SWT1: variants seen among roughly 807,000 people sequenced by gnomAD.
SWT1 encodes SWT1 RNA endoribonuclease homolog.
A neutral mutation model predicts 107.3 loss-of-function variants in SWT1; 33 were observed. The ratio of observed to expected loss-of-function variants is 0.31; its 90% confidence interval spans 0.23 to 0.41. The LOEUF is 0.41. Ranked by LOEUF, SWT1 falls within the 10% of genes least tolerant of loss-of-function variation. The pLI is 1.00. For synonymous variants in SWT1, 345 were observed against 348.3 expected, an observed-to-expected ratio of 0.99 and a Z score of 0.11; for missense variants, 898 against 1,028.9, an observed-to-expected ratio of 0.87 and a Z score of 1.74.
chr1:185,169,780 A>T (rs923397170), intron 4 of SWT1, among the ~76,000 whole-genome samples: 5 of 143,880 alleles, frequency 3.5e-5, no homozygotes, highest in Non-Finnish European at 4.6e-5. Context: ...CCCAGGATTA[A>T]TTTTTTTTTT....
intron 16 of SWT1, among the ~76,000 whole-genome samples, chr1:185,248,085 A>C (rs1661734500): frequency 6.6e-6 from 1 of 152,222 alleles, no homozygotes; most frequent in Admixed American, 6.5e-5. Context: ...TCAAAAAGTC[A>C]ACAGTTCCTT....
At chr1:185,230,401 C>T (rs967093886) in intron 15 of SWT1, among the ~76,000 whole-genome samples, 1 of 152,178 alleles carries the variant, frequency 6.6e-6, no homozygotes, top group Non-Finnish European at 1.5e-5. Flanking sequence ...TCATGTCTTT[C>T]TCTTTTCTTC....
chr1:185,169,296 T>A (rs960913760), intron 4 of SWT1, among the ~76,000 whole-genome samples: 52 of 150,342 alleles, frequency 3.5e-4, no homozygotes, highest in Non-Finnish European at 6.1e-4. Flanking sequence ...TTTTTTTTTT[T>A]AAATTTTAAG....
At chr1:185,170,211 T>A (rs1365784386) in intron 4 of SWT1, among the ~76,000 whole-genome samples, 2 of 152,186 alleles carry the variant, frequency 1.3e-5, no homozygotes, top group African/African-American at 4.8e-5. Flanking sequence ...AAACCTGAAT[T>A]TTATACACCG....
chr1:185,226,949 A>G (rs1660114821), intron 15 of SWT1: 1 of 955,130 alleles, frequency 1.0e-6, no homozygotes, highest in Non-Finnish European at 1.6e-6. Flanking sequence ...CATAGACTGG[A>G]TTCTTTTGTA....
chr1:185,274,591 T>C (rs1218802904), intron 17 of SWT1, among the ~76,000 whole-genome samples: 1 of 152,192 alleles, frequency 6.6e-6, no homozygotes, highest in Non-Finnish European at 1.5e-5. Flanking sequence ...TGACTATTTT[T>C]ATACTTCTCC....
Position 185,290,804 on chromosome 1 carries a change from G to T in SWT1, c.*1G>T. The T allele has an allele frequency of 6.3e-7, 1 of 1,599,266 alleles. No homozygotes were observed. The highest frequency in any genetic ancestry group is 1.1e-5 in the South Asian group (1 of 88,576). On this transcript the variant is annotated 3_prime_UTR_variant, in exon 19 of 19. Transcript: ENST00000367500. ...AGACATGCTCAACTATAGGATATAA[G>T]TACTGATTTGTAACTTTAAAGGAAT...
intron 1 of SWT1, among the ~76,000 whole-genome samples, chr1:185,159,976 G>C (rs1054348928): frequency 6.6e-6 from 1 of 151,978 alleles, no homozygotes; most frequent in Non-Finnish European, 1.5e-5. Context: ...CGCCTGTCTC[G>C]GCCTCCCAAA....
chr1:185,179,689 T>C (rs888249093), intron 5 of SWT1, among the ~76,000 whole-genome samples: 2 of 152,190 alleles, frequency 1.3e-5, no homozygotes, highest in African/African-American at 4.8e-5. Flanking sequence ...TACCTTTGCA[T>C]TCATTATTTC....
At chr1:185,272,281 G>C (rs1663926524) in intron 17 of SWT1, among the ~76,000 whole-genome samples, 1 of 152,156 alleles carries the variant, frequency 6.6e-6, no homozygotes, top group African/African-American at 2.4e-5. Context: ...ACCGAAGCGG[G>C]TATTCTGTTG....
chr1:185,184,831 G>C lies in SWT1; in HGVS notation c.1329G>C (p.Gln443His), dbSNP rs747539037. ...AAGGAAAACTACTAAAACGTGCCCA[G>C]CACAAAGCTATACCTGCAGTTCATT... is the stretch of plus-strand genomic sequence containing the variant. ...MKEGKLLKRA[Q>H]HKAIPAVHFI... Residue 443 changes from glutamine (Q) to histidine (H), a missense_variant, in exon 9 of 19, where the codon CAG (glutamine) becomes CAC (histidine). Coordinates refer to ENST00000367500, the MANE Select transcript of SWT1 (RefSeq NM_017673.7). The C allele has an allele frequency of 5.6e-6, 9 of 1,597,108 alleles. No homozygotes were observed. The Admixed American group carries it at 1.4e-4, about 25-fold the overall frequency.
intron 7 of SWT1, 118 bp downstream of exon 7, chr1:185,182,175 ATGAT>A: frequency 9.9e-7 from 1 of 1,011,500 alleles, no homozygotes; most frequent in Non-Finnish European, 1.4e-6. Context: ...CTTGAAATGA[ATGAT>A]AAAGTAATAG....
chr1:185,264,272 A>G (rs181799215), intron 16 of SWT1: 1 of 849,750 alleles, frequency 1.2e-6, no homozygotes, highest in Non-Finnish European at 1.4e-6. Flanking sequence ...TTTGCTTTTC[A>G]TTTTTCTTGA....
At chr1:185,280,400 C>T (rs1044525826) in intron 18 of SWT1, among the ~76,000 whole-genome samples, 5 of 152,166 alleles carry the variant, frequency 3.3e-5, no homozygotes, top group Admixed American at 3.3e-4. Flanking sequence ...ACTCTGGTTC[C>T]TGAGACAGAG....
At chr1:185,220,520 CT>C (rs894550839) in intron 14 of SWT1, among the ~76,000 whole-genome samples, 2 of 152,056 alleles carry the variant, frequency 1.3e-5, no homozygotes, top group African/African-American at 4.8e-5. Context: ...CTAGTTCCTA[CT>C]TTTCCCCCTT....
At position 185,174,453 on chromosome 1, in the gene SWT1, A is replaced by C; in HGVS notation, c.306A>C (p.Ala102=). Residue 102 remains alanine (A), a synonymous_variant, in exon 5 of 19, where the codon GCA becomes GCC. Coordinates refer to ENST00000367500, the MANE Select transcript of SWT1 (RefSeq NM_017673.7). ...AAAGACCTATTAAACTCAAAGAAGCATCATATTCAAATGATAATCAAATTA... is the reference window on the plus strand; with the variant it reads ...AAAGACCTATTAAACTCAAAGAAGCCTCATATTCAAATGATAATCAAATTA... ...SSQRPIKLKE[A]SYSNDNQIIL... 6.2e-7 allele frequency: 1 copy of C among 1,609,174 alleles called. No homozygotes were observed. Among genetic ancestry groups the C allele is most frequent in the Admixed American group, 1.7e-5 (1 of 58,702 alleles).
chr1:185,198,026 T>C (rs1346439884), intron 10 of SWT1, among the ~76,000 whole-genome samples: 1 of 152,234 alleles, frequency 6.6e-6, no homozygotes, highest in Non-Finnish European at 1.5e-5. Flanking sequence ...TTAATTGTGA[T>C]GTTAGGGTGT....
At position 185,238,983 on chromosome 1, in the gene SWT1, C is replaced by G. The variant is rs544637646; in HGVS notation, c.2441+7275C>G. Among the ~76,000 whole-genome samples the G allele has an allele frequency of 7.2e-5, 11 of 151,966 alleles. No homozygotes were observed. The South Asian group carries it at 1.5e-3, about 20-fold the overall frequency. On this transcript the variant is annotated intron_variant, in intron 16 of 18. Coordinates refer to ENST00000367500, the MANE Select transcript of SWT1 (RefSeq NM_017673.7). Reference sequence around the variant, plus strand: ...CATTTTTGATGCTTGCTAAAATGACCTAGTTTCATTTGGTTTTGAGATGCA... The same window carrying G: ...CATTTTTGATGCTTGCTAAAATGACGTAGTTTCATTTGGTTTTGAGATGCA...
intron 14 of SWT1, 128 bp from the exon 15 acceptor site, chr1:185,221,707 GAATATTATGTACAT>G: frequency 1.9e-6 from 1 of 529,386 alleles, no homozygotes; most frequent in Non-Finnish European, 3.3e-6. Flanking sequence ...GCTTTTCTGG[GAATATTATGTACAT>G]AATAAAAGAA....
Sources: gnomAD v4.1 joint callset for allele counts (sites outside exome capture counted in the v4.1 genomes callset) on GRCh38, gnomAD v4.1.1 for gene constraint, MANE v1.5 for transcripts, NCBI Gene and HGNC (gene_info 2026-07-23, HGNC 2026-07-21) for gene names.